PHACTR3: variants seen among roughly 807,000 people sequenced by gnomAD.
PHACTR3 encodes protein phosphatase 1, regulatory subunit 123.
Under a neutral mutation model 66.8 loss-of-function variants are expected in PHACTR3, and 16 were observed. The ratio of observed to expected loss-of-function variants is 0.24; its 90% confidence interval spans 0.16 to 0.36. The LOEUF (loss-of-function observed/expected upper bound fraction) is 0.36, where lower values mean the gene tolerates loss of function less well. Ranked by LOEUF, PHACTR3 falls within the 10% of genes least tolerant of loss-of-function variation. PHACTR3 has a pLI of 1.00. For missense variants in PHACTR3, 647 were observed against 719.9 expected, an observed-to-expected ratio of 0.90 and a Z score of 1.16; for synonymous variants, 323 against 292.1, an observed-to-expected ratio of 1.11 and a Z score of -1.08.
intron 7 of PHACTR3, among the ~76,000 whole-genome samples, chr20:59,801,658 G>A (rs1023311845): frequency 6.6e-5 from 10 of 152,098 alleles, no homozygotes; most frequent in Admixed American, 5.2e-4. Flanking sequence ...AGATCACTCC[G>A]CAGCTTTTGA....
chr20:59,808,967 C>T (rs947575279), intron 8 of PHACTR3, among the ~76,000 whole-genome samples: 2 of 152,174 alleles, frequency 1.3e-5, no homozygotes, highest in African/African-American at 2.4e-5. Context: ...CCAAACGTGT[C>T]CCAGACACCG....
chr20:59,666,087 T>C (rs890638964), intron 1 of PHACTR3, among the ~76,000 whole-genome samples: 2 of 152,164 alleles, frequency 1.3e-5, no homozygotes, highest in African/African-American at 4.8e-5. Context: ...CATCTGCCTG[T>C]TGTGCATGCC....
At position 59,655,754 on chromosome 20, in the gene PHACTR3, A is replaced by G. The variant is rs142663989; in HGVS notation, c.118+50622A>G. 3.3e-5 allele frequency among the ~76,000 whole-genome samples: 5 copies of G among 149,872 alleles called. No homozygotes were observed. The East Asian group carries it at 9.9e-4, about 30-fold the overall frequency. On this transcript the variant is annotated intron_variant, in intron 1 of 12. Transcript: ENST00000371015. ...TGGAGGATTTGGCTTTTATTTTGAG[A>G]TTTTTCTTTTAAATATAGGAATTTA...
intron 8 of PHACTR3, among the ~76,000 whole-genome samples, chr20:59,832,161 CTGGCTG>C (rs1251608718): frequency 2.0e-5 from 3 of 152,232 alleles, no homozygotes; most frequent in African/African-American, 7.2e-5. Flanking sequence ...GCATCTGGAA[CTGGCTG>C]TGGGTTCTGA....
At chr20:59,707,315 T>C (rs2037741887) in intron 1 of PHACTR3, among the ~76,000 whole-genome samples, 1 of 152,220 alleles carries the variant, frequency 6.6e-6, no homozygotes, top group South Asian at 2.1e-4. Flanking sequence ...TTGTCCGCTC[T>C]AAATCTCCTG....
chr20:59,706,069 A>G (rs1378661922), intron 1 of PHACTR3, among the ~76,000 whole-genome samples: 1 of 152,202 alleles, frequency 6.6e-6, no homozygotes, highest in Non-Finnish European at 1.5e-5. Flanking sequence ...AATAGGCTTT[A>G]ACTTTTATTG....
At chr20:59,634,941 A>G (rs2034795990) in intron 1 of PHACTR3, among the ~76,000 whole-genome samples, 1 of 152,124 alleles carries the variant, frequency 6.6e-6, no homozygotes, top group African/African-American at 2.4e-5. Context: ...CAGTGCAGTG[A>G]CACCACACCG....
intron 8 of PHACTR3, among the ~76,000 whole-genome samples, chr20:59,828,729 G>T (rs115367826): frequency 6.6e-6 from 1 of 152,232 alleles, no homozygotes; most frequent in African/African-American, 2.4e-5. Flanking sequence ...AGTAGGAGGG[G>T]CTGCTGGAGG....
At chr20:59,675,818 A>G (rs1050820239) in intron 1 of PHACTR3, among the ~76,000 whole-genome samples, 1 of 152,290 alleles carries the variant, frequency 6.6e-6, no homozygotes, top group African/African-American at 2.4e-5. Flanking sequence ...ACCCTGCACC[A>G]GGCCCCTCCC....
At position 59,657,257 on chromosome 20, in the gene PHACTR3, TTGTGTG is replaced by T. The variant is rs112043545; in HGVS notation, c.118+52147_118+52152del. On this transcript the variant is annotated intron_variant, in intron 1 of 12. Coordinates refer to ENST00000371015, the MANE Select transcript of PHACTR3 (RefSeq NM_080672.5). ...TTATAGGCACAATGATAGAAGTGTG[TTGTGTG>T]TGTGTGTGTGTGTGTGTGTGTTTGT... Among the ~76,000 whole-genome samples the T allele has an allele frequency of 7.2e-3, 1,074 of 150,182 alleles. 18 individuals carry two copies. The highest frequency in any genetic ancestry group is 0.023 in the African/African-American group (945 of 40,986).
At chr20:59,841,838 A>G (rs542231028) in intron 11 of PHACTR3, among the ~76,000 whole-genome samples, 3 of 152,288 alleles carry the variant, frequency 2.0e-5, no homozygotes, top group East Asian at 1.9e-4. Flanking sequence ...CACAATGCAC[A>G]TAACAGCCCC....
At chr20:59,770,946 C>A (rs2040338247) in intron 5 of PHACTR3, among the ~76,000 whole-genome samples, 1 of 152,226 alleles carries the variant, frequency 6.6e-6, no homozygotes, top group Non-Finnish European at 1.5e-5. Flanking sequence ...CTGTTCTCAG[C>A]CCCCACCTTT....
intron 1 of PHACTR3, among the ~76,000 whole-genome samples, chr20:59,665,580 G>A (rs759563369): frequency 1.2e-4 from 19 of 152,118 alleles, no homozygotes; most frequent in Non-Finnish European, 2.6e-4. Flanking sequence ...GATGGTAGGG[G>A]CAATGAGGTT....
intron 8 of PHACTR3, among the ~76,000 whole-genome samples, chr20:59,825,123 A>T (rs1388617176): frequency 6.6e-6 from 1 of 152,180 alleles, no homozygotes; most frequent in East Asian, 1.9e-4. Flanking sequence ...GACCAGGTAG[A>T]CAAAGTCTCT....
intron 1 of PHACTR3, chr20:59,628,772 A>G: frequency 4.1e-6 from 4 of 985,532 alleles, no homozygotes; most frequent in Non-Finnish European, 4.8e-6. Flanking sequence ...AAGGCTGGGA[A>G]GAGGACTGAG....
intron 1 of PHACTR3, among the ~76,000 whole-genome samples, chr20:59,589,681 A>G (rs1055595808): frequency 2.0e-5 from 3 of 152,230 alleles, no homozygotes; most frequent in Non-Finnish European, 2.9e-5. Context: ...TCTCTTAAGT[A>G]TATAAATCCA....
At chr20:59,800,709 G>A (rs1371114842) in intron 7 of PHACTR3, among the ~76,000 whole-genome samples, 1 of 152,026 alleles carries the variant, frequency 6.6e-6, no homozygotes, top group Non-Finnish European at 1.5e-5. Flanking sequence ...ATTTTTTATT[G>A]GATGACACAT....
chr20:59,836,743 T>C lies in PHACTR3; in HGVS notation c.1384+183T>C, dbSNP rs188974945. Among the ~76,000 whole-genome samples the C allele has an allele frequency of 1.9e-3, 287 of 151,506 alleles. 1 individual carries two copies. Among genetic ancestry groups the C allele is most frequent in the Non-Finnish European group, 3.4e-3 (232 of 67,714 alleles). On this transcript the variant is annotated intron_variant, in intron 9 of 12. Transcript: ENST00000371015. ...AGGAAAGCTGATATACCTAGAAACA[T>C]TTTTTTTAATTTAAAAAAACTCCTT...
At chr20:59,642,450 T>C (rs1011068021) in intron 1 of PHACTR3, among the ~76,000 whole-genome samples, 1 of 150,356 alleles carries the variant, frequency 6.7e-6, no homozygotes, top group Non-Finnish European at 1.5e-5. Flanking sequence ...GTGGCTACTT[T>C]TGTGTGTGTT....
Sources: gnomAD v4.1 joint callset for allele counts (sites outside exome capture counted in the v4.1 genomes callset) on GRCh38, gnomAD v4.1.1 for gene constraint, MANE v1.5 for transcripts, NCBI Gene and HGNC (gene_info 2026-07-23, HGNC 2026-07-21) for gene names.